Variants in ZNF723 observed in about 807,000 individuals in gnomAD.
ZNF723 encodes zinc finger protein 723, pseudogene.
ZNF723 carries 5 observed loss-of-function variants against 9.4 expected under a neutral mutation model. The observed-to-expected ratio is 0.53, with a 90% confidence interval of 0.28 to 1.12. The LOEUF is 1.12. Among genes scored for constraint, ZNF723 ranks in the 50% most tolerant of loss-of-function variants. The pLI, the probability that ZNF723 is intolerant of heterozygous loss-of-function variation, is 0.10. For missense variants in ZNF723, 450 were observed against 501.5 expected (o/e 0.90, Z 0.98); for synonymous variants, 158 against 168.8 (o/e 0.94, Z 0.49).
At chr19:22,833,703 G>A (rs1312956319) in intron 1 of ZNF723, among the ~76,000 whole-genome samples, 2 of 151,120 alleles carry the variant, frequency 1.3e-5, no homozygotes, top group South Asian at 2.1e-4. Context: ...TCCACCTCCC[G>A]GGTTCAAGCG....
chr19:22,838,364 C>T (rs751221566), intron 1 of ZNF723, among the ~76,000 whole-genome samples: 1 of 151,886 alleles, frequency 6.6e-6, no homozygotes, highest in Non-Finnish European at 1.5e-5. Context: ...CCAGCCTGAC[C>T]AACATGGTGA....
the ZNF723 span, among the ~76,000 whole-genome samples, chr19:22,813,546 A>G: frequency 6.6e-6 from 1 of 151,890 alleles, no homozygotes; most frequent in African/African-American, 2.4e-5. Context: ...TTATTCTCCT[A>G]TTTGTTCCCT....
chr19:22,828,760 G>A (rs1036340600), upstream of ZNF723, among the ~76,000 whole-genome samples: 1 of 152,172 alleles, frequency 6.6e-6, no homozygotes, highest in Non-Finnish European at 1.5e-5. Context: ...TGTGCTAAAT[G>A]TGACATAATC....
chr19:22,841,415 T>C lies in ZNF723; in HGVS notation c.4-6846T>C, dbSNP rs573287329. 4.6e-5 allele frequency among the ~76,000 whole-genome samples: 7 copies of C among 152,326 alleles called. No individual in the cohort carries two copies. In the East Asian group the frequency reaches 1.4e-3, roughly 29 times the overall value. On this transcript the variant is annotated intron_variant, in intron 1 of 3. Coordinates refer to ENST00000600766, the MANE Select transcript of ZNF723 (RefSeq NM_001349726.2). ...GACGATCTCTTGAGCAGATTGACTG[T>C]GATGCGTGTCACATTCAGGTTAAAT...
intron 1 of ZNF723, among the ~76,000 whole-genome samples, chr19:22,833,926 CTTTTT>C (rs34792208): frequency 1.1e-5 from 1 of 89,320 alleles, no homozygotes; most frequent in African/African-American, 4.4e-5. Flanking sequence ...TTTTAGCGTA[CTTTTT>C]TTTTTTTTTT....
chr19:22,856,648 A>G (rs1967484458), intron 3 of ZNF723, among the ~76,000 whole-genome samples: 1 of 152,232 alleles, frequency 6.6e-6, no homozygotes, highest in African/African-American at 2.4e-5. Flanking sequence ...TAGTCTCAGC[A>G]AACTCAAAGG....
upstream of ZNF723, among the ~76,000 whole-genome samples, chr19:22,831,886 C>A (rs1360486222): frequency 6.6e-6 from 1 of 150,432 alleles, no homozygotes; most frequent in Non-Finnish European, 1.5e-5. Flanking sequence ...CCATCCTGGG[C>A]GACAAGAGCG....
intron 3 of ZNF723, among the ~76,000 whole-genome samples, chr19:22,854,346 T>G (rs979350702): frequency 6.6e-6 from 1 of 152,168 alleles, no homozygotes; most frequent in African/African-American, 2.4e-5. Flanking sequence ...CTGCATAGAA[T>G]GTGTATGTCC....
At chr19:22,840,941 A>G (rs1349720616) in intron 1 of ZNF723, 3 of 152,534 alleles carry the variant, frequency 2.0e-5, no homozygotes, top group East Asian at 3.9e-4. Flanking sequence ...CTGATGTGAC[A>G]CTGGAGTGCT....
intron 1 of ZNF723, among the ~76,000 whole-genome samples, chr19:22,833,926 C>CTTT (rs34792208): frequency 2.8e-4 from 25 of 89,310 alleles, no homozygotes; most frequent in African/African-American, 5.2e-4. Context: ...TTTTAGCGTA[C>CTTT]TTTTTTTTTT....
chr19:22,826,136 G>C, the ZNF723 span, among the ~76,000 whole-genome samples: 1 of 152,132 alleles, frequency 6.6e-6, no homozygotes, highest in African/African-American at 2.4e-5. Flanking sequence ...TTTGAGCCTT[G>C]CCCACTGGGG....
intron 3 of ZNF723, among the ~76,000 whole-genome samples, chr19:22,851,857 G>T (rs868674640): frequency 6.6e-5 from 10 of 152,272 alleles, no homozygotes; most frequent in African/African-American, 2.2e-4. Context: ...CGCGATCTGG[G>T]CTCACCGCTA....
At chr19:22,848,171 C>T (rs1967340241) in intron 1 of ZNF723, 90 bp from the exon 2 acceptor site, 2 of 510,138 alleles carry the variant, frequency 3.9e-6, no homozygotes, top group Non-Finnish European at 7.0e-6. Context: ...GTTCTCTTTA[C>T]TCTCTCATTT....
the ZNF723 span, among the ~76,000 whole-genome samples, chr19:22,822,513 A>G: frequency 6.6e-6 from 1 of 152,228 alleles, no homozygotes; most frequent in East Asian, 1.9e-4. Context: ...TGCATGTTGT[A>G]TGATCCCTTC....
At chr19:22,825,809 A>G in the ZNF723 span, among the ~76,000 whole-genome samples, 2 of 152,208 alleles carry the variant, frequency 1.3e-5, no homozygotes, top group Non-Finnish European at 2.9e-5. Flanking sequence ...AGTGCCCAAC[A>G]TTATGATAAT....
intron 1 of ZNF723, among the ~76,000 whole-genome samples, chr19:22,845,932 A>T (rs1839613865): frequency 6.9e-6 from 1 of 144,156 alleles, no homozygotes; most frequent in Admixed American, 7.2e-5. Context: ...CAGATCAAGA[A>T]CTGCGTCCAC....
the ZNF723 span, among the ~76,000 whole-genome samples, chr19:22,823,745 T>A: frequency 6.6e-6 from 1 of 152,252 alleles, no homozygotes; most frequent in East Asian, 1.9e-4. Context: ...ACTCTTCTCA[T>A]CTGCCTGAAC....
chr19:22,838,814 C>A (rs1037458144), intron 1 of ZNF723, among the ~76,000 whole-genome samples: 1 of 152,008 alleles, frequency 6.6e-6, no homozygotes, highest in East Asian at 1.9e-4. Context: ...ATGGCATGAT[C>A]TCTGCTCACC....
intron 1 of ZNF723, among the ~76,000 whole-genome samples, chr19:22,840,017 G>C (rs1391567286): frequency 1.3e-5 from 2 of 151,982 alleles, no homozygotes; most frequent in Non-Finnish European, 1.5e-5. Flanking sequence ...GTGGATATTA[G>C]TTGTTTGTCA....
Sources: gnomAD v4.1 joint callset for allele counts (sites outside exome capture counted in the v4.1 genomes callset) on GRCh38, gnomAD v4.1.1 for gene constraint, MANE v1.5 for transcripts, NCBI Gene and HGNC (gene_info 2026-07-23, HGNC 2026-07-21) for gene names.